The following ATP2A2 variants were observed in gnomAD, a reference collection of about 807,000 sequenced individuals.
The protein encoded by ATP2A2 is sarcoplasmic/endoplasmic reticulum calcium ATPase 2.
A neutral mutation model predicts 109.3 loss-of-function variants in ATP2A2; 14 were observed. That is an observed-to-expected ratio of 0.13 (90% confidence interval 0.08 to 0.20). The LOEUF (loss-of-function observed/expected upper bound fraction) is 0.20. Among genes scored for constraint, ATP2A2 ranks in the 10% least tolerant of loss-of-function variants. ATP2A2 has a pLI of 1.00. For missense variants in ATP2A2, 657 were observed against 1,321.6 expected (o/e 0.50, Z 7.80); for synonymous variants, 506 against 490.9 (o/e 1.03, Z -0.41).
intron 5 of ATP2A2, among the ~76,000 whole-genome samples, chr12:110,320,244 GTA>G (rs1198072834): frequency 6.6e-6 from 1 of 152,128 alleles, no homozygotes; most frequent in Non-Finnish European, 1.5e-5. Flanking sequence ...AATTTGTCAA[GTA>G]TATGAGAGTA....
chr12:110,291,581 G>A (rs921249341), intron 3 of ATP2A2, among the ~76,000 whole-genome samples: 4 of 148,916 alleles, frequency 2.7e-5, no homozygotes, highest in Non-Finnish European at 4.4e-5. Flanking sequence ...ATTTTCTACC[G>A]TTTATTTCTA....
intron 16 of ATP2A2, among the ~76,000 whole-genome samples, chr12:110,344,410 C>T (rs952343396): frequency 2.0e-5 from 3 of 152,186 alleles, no homozygotes; most frequent in Non-Finnish European, 4.4e-5. Flanking sequence ...TCCACCCTAG[C>T]TCCTGACAGC....
chr12:110,322,704 G>A (rs1042884058), intron 5 of ATP2A2, among the ~76,000 whole-genome samples: 23 of 152,152 alleles, frequency 1.5e-4, no homozygotes, highest in African/African-American at 5.6e-4. Flanking sequence ...TAAAGTGAAA[G>A]CTTGAAGGCC....
At chr12:110,334,727 A>G (rs1878673974) in intron 11 of ATP2A2, among the ~76,000 whole-genome samples, 1 of 150,876 alleles carries the variant, frequency 6.6e-6, no homozygotes, top group Admixed American at 6.7e-5. Context: ...AGCTGGGATT[A>G]CAGGCACACG....
intron 4 of ATP2A2, among the ~76,000 whole-genome samples, 185 bp downstream of exon 4, chr12:110,292,309 C>T (rs573678639): frequency 2.6e-5 from 4 of 152,254 alleles, no homozygotes; most frequent in Admixed American, 2.6e-4. Flanking sequence ...CTCTGTTGCC[C>T]AGGCTGGAGT....
At chr12:110,294,942 C>G in intron 4 of ATP2A2, among the ~76,000 whole-genome samples, 1 of 152,028 alleles carries the variant, frequency 6.6e-6, no homozygotes, top group Non-Finnish European at 1.5e-5. Context: ...ACCTCAGTCT[C>G]CCAAGTAGCT....
intron 4 of ATP2A2, among the ~76,000 whole-genome samples, chr12:110,294,458 G>A (rs1258085011): frequency 3.3e-5 from 5 of 151,986 alleles, no homozygotes; most frequent in Non-Finnish European, 4.4e-5. Context: ...TCAGGAGGTC[G>A]AGACCAGCCT....
intron 8 of ATP2A2, among the ~76,000 whole-genome samples, chr12:110,328,896 T>C (rs1362113218): frequency 6.6e-6 from 1 of 152,332 alleles, no homozygotes; most frequent in Admixed American, 6.5e-5. Context: ...ATCCTCTGTC[T>C]CTAGGTGTAT....
At chr12:110,341,431 T>C (rs1461144505) in intron 14 of ATP2A2, among the ~76,000 whole-genome samples, 5 of 152,130 alleles carry the variant, frequency 3.3e-5, no homozygotes, top group African/African-American at 1.2e-4. Flanking sequence ...TTCTTCTCTT[T>C]TAAAAAAAAA....
intron 14 of ATP2A2, 119 bp downstream of exon 14, chr12:110,341,113 G>T: frequency 8.9e-7 from 1 of 1,119,392 alleles, no homozygotes; most frequent in East Asian, 2.6e-5. Context: ...CATGATTTGG[G>T]TCTTTTCTCT....
rs1879731931 is a variant in ATP2A2 at position 110,345,245 on chromosome 12, G to A, written c.2608-4G>A. On this transcript the variant is annotated splice_region_variant and splice_polypyrimidine_tract_variant and intron_variant, in intron 17 of 19. Coordinates refer to ENST00000539276, the MANE Select transcript of ATP2A2 (RefSeq NM_170665.4). Reference sequence around the variant, plus strand: ...GATAGGAATTTGATTGGATTTTCTTGCAGAGTCATTTCCTACAGTGTAAAG... The same window carrying A: ...GATAGGAATTTGATTGGATTTTCTTACAGAGTCATTTCCTACAGTGTAAAG... The A allele has an allele frequency of 1.2e-6, 2 of 1,614,144 alleles. No individual in the cohort carries two copies. Among genetic ancestry groups the A allele is most frequent in the South Asian group, 1.1e-5 (1 of 91,066 alleles).
intron 8 of ATP2A2, 110 bp downstream of exon 8, chr12:110,328,127 C>A: frequency 9.1e-7 from 1 of 1,097,108 alleles, no homozygotes; most frequent in Non-Finnish European, 1.3e-6. Context: ...TTTCTGTGGG[C>A]TGTATGTATA....
At chr12:110,293,936 G>A (rs892345397) in intron 4 of ATP2A2, among the ~76,000 whole-genome samples, 1 of 145,482 alleles carries the variant, frequency 6.9e-6, no homozygotes, top group African/African-American at 2.6e-5. Context: ...GAGTGCAGTG[G>A]TGTGATTTTG....
Position 110,336,669 on chromosome 12 carries a change from T to C in ATP2A2, c.1419+2526T>C, listed in dbSNP as rs572039917. Among the ~76,000 whole-genome samples the C allele has an allele frequency of 9.8e-5, 15 of 152,330 alleles. No individual in the cohort carries two copies. In the South Asian group the frequency reaches 2.9e-3, roughly 29 times the overall value. On this transcript the variant is annotated intron_variant, in intron 11 of 19. Transcript: ENST00000539276. ...AGGCAGCATTTTGTCTCCTTTATAC[T>C]GTCCTGAGAAAACAAAACTCACACT...
chr12:110,326,104 A>G (rs1877776358), intron 6 of ATP2A2: 2 of 466,454 alleles, frequency 4.3e-6, no homozygotes, highest in Non-Finnish European at 7.9e-6. Flanking sequence ...AAAATAAATT[A>G]ATTTGAATAG....
chr12:110,320,854 C>T (rs1877168308), intron 5 of ATP2A2, among the ~76,000 whole-genome samples: 1 of 152,150 alleles, frequency 6.6e-6, no homozygotes, highest in South Asian at 2.1e-4. Flanking sequence ...TTTATGCACT[C>T]AAATTAAAAA....
Position 110,332,609 on chromosome 12 carries a change from G to A in ATP2A2, c.1108G>A (p.Asp370Asn). ...QMSVCRMFILDRVEGDTCSLN... is the reference protein window; with the variant it reads ...QMSVCRMFILNRVEGDTCSLN... ...TCTCCCCCTACAGATGTTCATTCTGGACAGAGTGGAAGGTGATACTTGTTC... is the reference window on the plus strand; with the variant it reads ...TCTCCCCCTACAGATGTTCATTCTGAACAGAGTGGAAGGTGATACTTGTTC... Residue 370 changes from aspartate (D) to asparagine (N), a missense_variant, in exon 9 of 20, where the codon GAC (aspartate) becomes AAC (asparagine). Asp to Asn is a conservative substitution (Grantham distance 23, BLOSUM62 1). Coordinates refer to ENST00000539276, the MANE Select transcript of ATP2A2 (RefSeq NM_170665.4). 6.2e-7 allele frequency: 1 copy of A among 1,612,726 alleles called. No individual in the cohort carries two copies. Among genetic ancestry groups the A allele is most frequent in the Non-Finnish European group, 8.5e-7 (1 of 1,178,756 alleles).
At chr12:110,343,928 T>TC (rs1348186053) in intron 16 of ATP2A2, among the ~76,000 whole-genome samples, 2 of 152,114 alleles carry the variant, frequency 1.3e-5, no homozygotes, top group Admixed American at 6.5e-5. Flanking sequence ...TGAAATCACT[T>TC]CCCTGGGATC....
intron 14 of ATP2A2, among the ~76,000 whole-genome samples, chr12:110,341,528 G>A (rs1039394291): frequency 6.6e-6 from 1 of 152,194 alleles, no homozygotes; most frequent in Non-Finnish European, 1.5e-5. Flanking sequence ...TTAAAAACAT[G>A]GGAGTGCTGT....
Sources: allele counts gnomAD v4.1 joint callset (sites outside exome capture counted in the v4.1 genomes callset), GRCh38; gene constraint gnomAD v4.1.1; transcripts MANE v1.5; gene names NCBI Gene and HGNC (gene_info 2026-07-23, HGNC 2026-07-21).